The following SLC25A21 variants were observed in gnomAD, a reference collection of about 807,000 sequenced individuals.
The protein encoded by SLC25A21 is mitochondrial 2-oxodicarboxylate carrier.
SLC25A21 carries 47 observed loss-of-function variants against 43.8 expected under a neutral mutation model. The observed-to-expected ratio is 1.07, with a 90% CI of 0.85 to 1.37. The LOEUF is 1.37. SLC25A21 is among the 40% of genes most tolerant of loss of function. SLC25A21 has a pLI of 0.00. For synonymous variants in SLC25A21, 131 were observed against 121.3 expected (o/e 1.08, Z -0.52); for missense variants, 352 against 350.2 (o/e 1.00, Z -0.04).
intron 3 of SLC25A21, among the ~76,000 whole-genome samples, chr14:36,772,990 T>C (rs549609079): frequency 2.0e-4 from 30 of 152,172 alleles, no homozygotes; most frequent in Non-Finnish European, 3.5e-4. Context: ...AAATGGAAAT[T>C]ATGAATTAAG....
chr14:37,057,428 T>C (rs1402983824), intron 1 of SLC25A21, among the ~76,000 whole-genome samples: 2 of 152,230 alleles, frequency 1.3e-5, no homozygotes, highest in Non-Finnish European at 2.9e-5. Flanking sequence ...CAAATTGTTA[T>C]AATTGGAGGA....
intron 3 of SLC25A21, among the ~76,000 whole-genome samples, chr14:36,797,866 T>C (rs1009900065): frequency 1.3e-5 from 2 of 152,190 alleles, no homozygotes; most frequent in Non-Finnish European, 2.9e-5. Flanking sequence ...CCAATAAACA[T>C]TAGATTATTT....
At chr14:37,150,324 C>T (rs548680072) in intron 1 of SLC25A21, among the ~76,000 whole-genome samples, 2 of 152,238 alleles carry the variant, frequency 1.3e-5, no homozygotes, top group East Asian at 3.9e-4. Flanking sequence ...TCAATGATTT[C>T]TATTTTATCC....
intron 2 of SLC25A21, among the ~76,000 whole-genome samples, chr14:36,872,384 A>G (rs1890398837): frequency 6.6e-6 from 1 of 152,180 alleles, no homozygotes; most frequent in African/African-American, 2.4e-5. Context: ...ATAAATGATC[A>G]ATACTATTCC....
At chr14:37,140,898 G>A (rs1963558992) in intron 1 of SLC25A21, among the ~76,000 whole-genome samples, 2 of 152,078 alleles carry the variant, frequency 1.3e-5, no homozygotes, top group African/African-American at 2.4e-5. Context: ...TGTAATCCCA[G>A]CACTTTGGGA....
chr14:36,701,240 C>T (rs1169035946), intron 7 of SLC25A21, among the ~76,000 whole-genome samples: 1 of 152,220 alleles, frequency 6.6e-6, no homozygotes, highest in Non-Finnish European at 1.5e-5. Context: ...GTTTTTACTT[C>T]ACTGCTATCA....
intron 3 of SLC25A21, among the ~76,000 whole-genome samples, chr14:36,735,472 T>TAAGTGATTAAAGATAAGGGCAGAGCTC (rs145352109): frequency 6.6e-6 from 1 of 151,822 alleles, no homozygotes; most frequent in Non-Finnish European, 1.5e-5. Context: ...GATGAGTCCA[T>TAAGTGATTAAAGATAAGGGCAGAGCTC]AACATGTCCC....
intron 7 of SLC25A21, among the ~76,000 whole-genome samples, chr14:36,701,735 T>C (rs1883287063): frequency 6.6e-6 from 1 of 152,184 alleles, no homozygotes; most frequent in African/African-American, 2.4e-5. Flanking sequence ...AGGAATTAAT[T>C]ATGTATTGAG....
intron 1 of SLC25A21, among the ~76,000 whole-genome samples, chr14:36,925,801 C>G (rs1272664933): frequency 6.6e-6 from 1 of 152,058 alleles, no homozygotes. Context: ...GGGCTGAGAT[C>G]GTGCCACTGC....
intron 1 of SLC25A21, among the ~76,000 whole-genome samples, chr14:36,922,999 C>T (rs1428290013): frequency 1.3e-5 from 2 of 151,950 alleles, no homozygotes; most frequent in African/African-American, 2.4e-5. Context: ...ATCAGTCCCA[C>T]AAAAACAGAC....
At chr14:36,734,250 A>AT (rs895725326) in intron 4 of SLC25A21, among the ~76,000 whole-genome samples, 5 of 152,134 alleles carry the variant, frequency 3.3e-5, no homozygotes, top group Non-Finnish European at 7.3e-5. Flanking sequence ...GATTACTAGA[A>AT]TTTTATTCAC....
At chr14:36,984,196 T>C (rs750962950) in intron 1 of SLC25A21, among the ~76,000 whole-genome samples, 2 of 152,104 alleles carry the variant, frequency 1.3e-5, no homozygotes, top group African/African-American at 4.8e-5. Context: ...ATAGTGGCAA[T>C]TGGATTCTGG....
chr14:36,753,985 CAA>C (rs1444402422), intron 3 of SLC25A21, among the ~76,000 whole-genome samples: 1 of 143,438 alleles, frequency 7.0e-6, no homozygotes, highest in Non-Finnish European at 1.6e-5. Context: ...GCGAGCAGAT[CAA>C]AGAGAGATCA....
At chr14:37,089,019 G>C (rs1358398572) in intron 1 of SLC25A21, among the ~76,000 whole-genome samples, 1 of 152,108 alleles carries the variant, frequency 6.6e-6, no homozygotes. Context: ...CAGAGTCTCT[G>C]ACTTCCGCCG....
intron 1 of SLC25A21, among the ~76,000 whole-genome samples, chr14:37,020,926 T>C (rs1321013783): frequency 6.6e-6 from 1 of 151,926 alleles, no homozygotes; most frequent in Non-Finnish European, 1.5e-5. Context: ...TTGCATTAGG[T>C]TCCCAGCAGT....
chr14:36,729,476 A>G, intron 5 of SLC25A21, 31 bp downstream of exon 5: 2 of 1,500,820 alleles, frequency 1.3e-6, no homozygotes, highest in Non-Finnish European at 1.8e-6. Context: ...AATAACACAC[A>G]CATTTAAGTA....
At chr14:36,937,677 T>C (rs537779378) in intron 1 of SLC25A21, among the ~76,000 whole-genome samples, 6 of 152,196 alleles carry the variant, frequency 3.9e-5, no homozygotes, top group African/African-American at 1.2e-4. Context: ...ATAGCATTAA[T>C]AGGGCTGCGA....
At chr14:37,075,533 A>T (rs1028300639) in intron 1 of SLC25A21, among the ~76,000 whole-genome samples, 18 of 152,220 alleles carry the variant, frequency 1.2e-4, no homozygotes, top group African/African-American at 3.9e-4. Context: ...CAGTGTACAT[A>T]GAGTGACGGG....
At chr14:37,047,392 C>T (rs1023813575) in intron 1 of SLC25A21, among the ~76,000 whole-genome samples, 3 of 152,074 alleles carry the variant, frequency 2.0e-5, no homozygotes, top group Non-Finnish European at 2.9e-5. Context: ...TGAAACCAGA[C>T]CAAAGTTGGA....
Sources: allele counts gnomAD v4.1 joint callset (sites outside exome capture counted in the v4.1 genomes callset), GRCh38; gene constraint gnomAD v4.1.1; transcripts MANE v1.5; gene names NCBI Gene and HGNC (gene_info 2026-07-23, HGNC 2026-07-21).